Variants in TRDN observed in about 807,000 individuals in gnomAD.
The protein encoded by TRDN is triadin.
In TRDN, 161 loss-of-function variants were observed where a neutral mutation model predicts 149.7. That is an observed-to-expected ratio of 1.08 (90% CI 0.95 to 1.23). TRDN has a LOEUF of 1.23. Ranked by LOEUF, TRDN falls within the 50% of genes most tolerant of loss-of-function variation. The pLI is 0.00. For missense variants in TRDN, 896 were observed against 823.5 expected, an observed-to-expected ratio of 1.09 and a Z score of -1.08; for synonymous variants, 294 against 250.5, an observed-to-expected ratio of 1.17 and a Z score of -1.64.
At chr6:123,473,818 C>G (rs1389738943) in intron 9 of TRDN, among the ~76,000 whole-genome samples, 1 of 151,938 alleles carries the variant, frequency 6.6e-6, no homozygotes, top group Non-Finnish European at 1.5e-5. Context: ...GAATTTTCAA[C>G]CCAGAATTTC....
At chr6:123,274,275 A>T (rs1777299207) in intron 27 of TRDN, among the ~76,000 whole-genome samples, 1 of 152,104 alleles carries the variant, frequency 6.6e-6, no homozygotes, top group Admixed American at 6.6e-5. Flanking sequence ...TGATTTTATA[A>T]TTCTGGTATA....
In TRDN at chr6:123,323,361, A is replaced by C. The variant is rs1250046931; in HGVS notation, c.1472-6866T>G. Among the ~76,000 whole-genome samples the C allele has an allele frequency of 1.3e-5, 2 of 152,088 alleles. 1 individual carries two copies. The highest frequency in any genetic ancestry group is 3.9e-4 in the East Asian group (2 of 5,188). On this transcript the variant is annotated intron_variant, in intron 23 of 40. Coordinates refer to ENST00000334268, the MANE Select transcript of TRDN (RefSeq NM_006073.4). ...GCAAGAGCCTCAAACTACTGACATC[A>C]CTGCTTTTCCCATAACACATAGACA...
chr6:123,278,564 A>C (rs545122916), intron 25 of TRDN, among the ~76,000 whole-genome samples: 1 of 152,274 alleles, frequency 6.6e-6, no homozygotes, highest in Non-Finnish European at 1.5e-5. Flanking sequence ...TCCAGTAAGA[A>C]ATATTTTGAG....
intron 8 of TRDN, chr6:123,498,751 G>A (rs548679372): frequency 2.7e-6 from 1 of 373,614 alleles, no homozygotes; most frequent in South Asian, 2.1e-5. Context: ...TTGACTCTAA[G>A]ACAAAGCAAG....
At chr6:123,440,032 C>A (rs1774786565) in intron 10 of TRDN, among the ~76,000 whole-genome samples, 1 of 152,094 alleles carries the variant, frequency 6.6e-6, no homozygotes, top group Non-Finnish European at 1.5e-5. Context: ...CATTATTATG[C>A]TAAAGAAATT....
chr6:123,586,774 A>C (rs908320081), intron 1 of TRDN, among the ~76,000 whole-genome samples: 1 of 151,796 alleles, frequency 6.6e-6, no homozygotes, highest in Admixed American at 6.6e-5. Context: ...AAGGAGACAA[A>C]CCCAGAGAAA....
intron 8 of TRDN, among the ~76,000 whole-genome samples, chr6:123,500,819 T>A (rs1385479452): frequency 6.6e-6 from 1 of 152,172 alleles, no homozygotes; most frequent in Non-Finnish European, 1.5e-5. Context: ...TGTGGTCCAG[T>A]ACTCTATAAC....
intron 9 of TRDN, among the ~76,000 whole-genome samples, chr6:123,474,456 G>C (rs1043004113): frequency 4.6e-5 from 7 of 152,142 alleles, no homozygotes; most frequent in East Asian, 1.9e-4. Flanking sequence ...AAGAGACTTA[G>C]ACTCCCACAC....
chr6:123,556,795 T>C (rs2114477084), intron 2 of TRDN, among the ~76,000 whole-genome samples: 1 of 152,238 alleles, frequency 6.6e-6, no homozygotes, highest in South Asian at 2.1e-4. Flanking sequence ...TCTAAATGTC[T>C]ACGCCCTCAC....
chr6:123,481,867 G>A (rs959245486), intron 9 of TRDN, among the ~76,000 whole-genome samples: 2 of 152,128 alleles, frequency 1.3e-5, no homozygotes, highest in Admixed American at 6.5e-5. Flanking sequence ...AATGCAAGGG[G>A]ATAATTTTTA....
chr6:123,358,111 C>T (rs1582912817), intron 20 of TRDN, among the ~76,000 whole-genome samples: 2 of 152,032 alleles, frequency 1.3e-5, no homozygotes, highest in South Asian at 2.1e-4. Flanking sequence ...CTTTCTATAC[C>T]ACAAGATATC....
At chr6:123,442,195 T>C (rs1774934003) in intron 10 of TRDN, 2 of 152,306 alleles carry the variant, frequency 1.3e-5, no homozygotes, top group African/African-American at 4.8e-5. Context: ...TGACTCTTCC[T>C]AGTTGTGTGA....
At chr6:123,531,687 C>T (rs1230921871) in intron 4 of TRDN, among the ~76,000 whole-genome samples, 1 of 151,980 alleles carries the variant, frequency 6.6e-6, no homozygotes, top group South Asian at 2.1e-4. Context: ...CATTCTTGTC[C>T]CTGAAAACAA....
chr6:123,276,049 C>T (rs1209398594), intron 26 of TRDN, among the ~76,000 whole-genome samples: 1 of 152,106 alleles, frequency 6.6e-6, no homozygotes, highest in Non-Finnish European at 1.5e-5. Flanking sequence ...GGGAAGACAG[C>T]AGGCTAGCTG....
chr6:123,397,029 G>T (rs1772757651), intron 12 of TRDN, among the ~76,000 whole-genome samples: 1 of 148,080 alleles, frequency 6.8e-6, no homozygotes, highest in African/African-American at 2.5e-5. Context: ...ACATGTTTTT[G>T]AGCATTCTCC....
intron 20 of TRDN, among the ~76,000 whole-genome samples, chr6:123,353,902 A>G (rs951275040): frequency 6.6e-6 from 1 of 151,836 alleles, no homozygotes; most frequent in African/African-American, 2.4e-5. Flanking sequence ...ACACCTGTAG[A>G]TAAATCTTAC....
At chr6:123,264,653 G>A (rs761370508) in intron 33 of TRDN, among the ~76,000 whole-genome samples, 22 of 127,252 alleles carry the variant, frequency 1.7e-4, no homozygotes, top group Non-Finnish European at 2.6e-4. Flanking sequence ...ATAGCCATAC[G>A]AACTACAGAG....
intron 35 of TRDN, among the ~76,000 whole-genome samples, chr6:123,256,309 G>A (rs1776561254): frequency 6.6e-6 from 1 of 152,062 alleles, no homozygotes; most frequent in South Asian, 2.1e-4. Flanking sequence ...TGGTGTATAT[G>A]TGCCACATTT....
intron 1 of TRDN, among the ~76,000 whole-genome samples, chr6:123,581,956 C>G (rs1783141487): frequency 6.6e-6 from 1 of 152,104 alleles, no homozygotes; most frequent in Non-Finnish European, 1.5e-5. Context: ...CAAAAAGAAT[C>G]AAACTCTGTA....
Sources: allele counts gnomAD v4.1 joint callset (sites outside exome capture counted in the v4.1 genomes callset), GRCh38; gene constraint gnomAD v4.1.1; transcripts MANE v1.5; gene names NCBI Gene and HGNC (gene_info 2026-07-23, HGNC 2026-07-21).